ZBTB7C: variants seen among roughly 807,000 people sequenced by gnomAD.
ZBTB7C encodes the protein zinc finger and BTB domain-containing protein 7C.
In ZBTB7C, 8 loss-of-function variants were observed where a neutral mutation model predicts 25.7. The ratio of observed to expected loss-of-function variants is 0.31; its 90% CI spans 0.18 to 0.56. ZBTB7C has a LOEUF of 0.56. Among genes scored for constraint, ZBTB7C ranks in the 20% least tolerant of loss-of-function variants. ZBTB7C has a pLI of 0.91. For synonymous variants in ZBTB7C, 394 were observed against 369.0 expected, an observed-to-expected ratio of 1.07 and a Z score of -0.78; for missense variants, 824 against 855.2, an observed-to-expected ratio of 0.96 and a Z score of 0.46.
At chr18:48,330,250 A>G (rs7229860) in intron 2 of ZBTB7C, among the ~76,000 whole-genome samples, 78,551 of 152,008 alleles carry the variant, frequency 0.52, 20,683 homozygotes, top group East Asian at 0.78. Context: ...CTGGGCACGG[A>G]ATGTACCTTG....
At chr18:48,260,044 A>T (rs138419996) in intron 2 of ZBTB7C, among the ~76,000 whole-genome samples, 1 of 152,366 alleles carries the variant, frequency 6.6e-6, no homozygotes, top group East Asian at 1.9e-4. Flanking sequence ...ATATCCACAC[A>T]GACTCATACA....
At chr18:48,274,864 T>C (rs1458473324) in intron 2 of ZBTB7C, among the ~76,000 whole-genome samples, 1 of 152,186 alleles carries the variant, frequency 6.6e-6, no homozygotes, top group African/African-American at 2.4e-5. Flanking sequence ...GCTAAGTCAA[T>C]GAGCACCTGC....
chr18:48,351,061 G>A (rs1406975248), intron 1 of ZBTB7C, among the ~76,000 whole-genome samples: 1 of 151,894 alleles, frequency 6.6e-6, no homozygotes, highest in Non-Finnish European at 1.5e-5. Context: ...CATATAAGTG[G>A]AACTCATGGG....
At chr18:48,393,190 G>T (rs1196226869) in intron 1 of ZBTB7C, among the ~76,000 whole-genome samples, 1 of 152,046 alleles carries the variant, frequency 6.6e-6, no homozygotes, top group Admixed American at 6.6e-5. Flanking sequence ...GACTCGAGTG[G>T]AATCAAGCGG....
At chr18:48,066,642 C>T (rs1036189350) in intron 3 of ZBTB7C, among the ~76,000 whole-genome samples, 106 of 152,174 alleles carry the variant, frequency 7.0e-4, no homozygotes, top group Non-Finnish European at 1.4e-3. Context: ...TTTATAGCTT[C>T]CCCCTCCCCT....
At chr18:48,185,824 C>G (rs1361627353) in intron 3 of ZBTB7C, 110 bp downstream of exon 3, 1 of 152,240 alleles carries the variant, frequency 6.6e-6, no homozygotes, top group Admixed American at 6.5e-5. Flanking sequence ...GAAGAAGAAC[C>G]AAAAGCCAAT....
At chr18:48,108,514 C>A (rs578186380) in intron 3 of ZBTB7C, among the ~76,000 whole-genome samples, 84 of 152,184 alleles carry the variant, frequency 5.5e-4, no homozygotes, top group African/African-American at 1.9e-3. Flanking sequence ...CTCACTGCAG[C>A]CTCTAAACTC....
chr18:48,041,322 C>T (rs2036233398), intron 3 of ZBTB7C, 199 bp from the exon 4 acceptor site: 1 of 985,322 alleles, frequency 1.0e-6, no homozygotes, highest in Non-Finnish European at 1.2e-6. Flanking sequence ...CTCTGGACCC[C>T]TAAGACTCTT....
intron 1 of ZBTB7C, among the ~76,000 whole-genome samples, chr18:48,391,798 G>A (rs779529625): frequency 6.6e-6 from 1 of 152,214 alleles, no homozygotes; most frequent in African/African-American, 2.4e-5. Context: ...CCCAACAGAT[G>A]CTGGTGTTGT....
Position 48,029,295 on chromosome 18 carries a change from T to TGAGGCCGGCGAGCCCAGG in ZBTB7C, c.1807_1824dup (p.Pro603_Leu608dup). 1 of 1,538,012 alleles carries TGAGGCCGGCGAGCCCAGG rather than the reference T, an allele frequency of 6.5e-7. No homozygotes were observed. The highest frequency in any genetic ancestry group is 8.7e-7 in the Non-Finnish European group (1 of 1,148,446). Reference sequence around the variant, plus strand: ...GCTTCGGACATGGAGGCCACGTGGTTGAGGCCGGCGAGCCCAGGGAGGCCG... The same window carrying TGAGGCCGGCGAGCCCAGG: ...GCTTCGGACATGGAGGCCACGTGGTTGAGGCCGGCGAGCCCAGGGAGGCCGGCGAGCCCAGGGAGGCCG... On this transcript the variant is annotated inframe_insertion, in exon 5 of 5. Transcript: ENST00000590800.
At chr18:48,129,002 A>G (rs1165106288) in intron 3 of ZBTB7C, among the ~76,000 whole-genome samples, 1 of 152,082 alleles carries the variant, frequency 6.6e-6, no homozygotes, top group African/African-American at 2.4e-5. Flanking sequence ...GATTTTCCTA[A>G]TAACTAGGTT....
intron 2 of ZBTB7C, among the ~76,000 whole-genome samples, chr18:48,190,898 C>T (rs994406449): frequency 6.6e-6 from 1 of 152,200 alleles, no homozygotes; most frequent in African/African-American, 2.4e-5. Flanking sequence ...TCTGCACTAA[C>T]CTTTCTTGGG....
chr18:48,217,414 G>GT (rs2042850914), intron 2 of ZBTB7C, among the ~76,000 whole-genome samples: 1 of 152,056 alleles, frequency 6.6e-6, no homozygotes, highest in African/African-American at 2.4e-5. Flanking sequence ...CTCCTGCAGC[G>GT]TAAGCACAGG....
At chr18:48,202,253 G>A (rs1047921341) in intron 2 of ZBTB7C, among the ~76,000 whole-genome samples, 1 of 152,218 alleles carries the variant, frequency 6.6e-6, no homozygotes, top group Non-Finnish European at 1.5e-5. Context: ...GACACACGCA[G>A]AGAGGGAGCC....
chr18:48,127,848 G>A (rs1471131088), intron 3 of ZBTB7C, among the ~76,000 whole-genome samples: 3 of 152,178 alleles, frequency 2.0e-5, no homozygotes, highest in Non-Finnish European at 2.9e-5. Context: ...GAGAGAAGCT[G>A]TCCCCTCGGC....
intron 3 of ZBTB7C, among the ~76,000 whole-genome samples, chr18:48,133,266 G>A (rs542381168): frequency 6.6e-6 from 1 of 152,354 alleles, no homozygotes; most frequent in Admixed American, 6.5e-5. Flanking sequence ...GGAGGTGCAT[G>A]GGTGCGGATG....
chr18:48,409,869 C>G (rs1243189056), upstream of ZBTB7C, among the ~76,000 whole-genome samples: 2 of 152,142 alleles, frequency 1.3e-5, no homozygotes, highest in Admixed American at 6.5e-5. Context: ...GCCAGGCGGC[C>G]GCCGTTTCTC....
chr18:48,165,188 C>T (rs2041200473), intron 3 of ZBTB7C: 1 of 1,234,466 alleles, frequency 8.1e-7, no homozygotes, highest in South Asian at 1.3e-5. Flanking sequence ...GGGTTCTTGT[C>T]CAAGGTCACA....
At chr18:48,042,139 G>A (rs2036275370) in intron 3 of ZBTB7C, among the ~76,000 whole-genome samples, 1 of 152,208 alleles carries the variant, frequency 6.6e-6, no homozygotes, top group African/African-American at 2.4e-5. Flanking sequence ...GGGCGTCCAA[G>A]GAGAGAATAT....
Sources: gnomAD v4.1 joint callset for allele counts (sites outside exome capture counted in the v4.1 genomes callset) on GRCh38, gnomAD v4.1.1 for gene constraint, MANE v1.5 for transcripts, NCBI Gene and HGNC (gene_info 2026-07-23, HGNC 2026-07-21) for gene names.